The following TUSC3 variants were observed in gnomAD, a reference collection of about 807,000 sequenced individuals.
TUSC3 encodes the protein dolichyl-diphosphooligosaccharide--protein glycosyltransferase subunit TUSC3.
Under a neutral mutation model 44.8 loss-of-function variants are expected in TUSC3, and 45 were observed. The ratio of observed to expected loss-of-function variants is 1.00; its 90% CI spans 0.79 to 1.29. TUSC3 has a LOEUF of 1.29. Among genes scored for constraint, TUSC3 ranks in the 50% most tolerant of loss-of-function variants. The pLI is 0.00. For missense variants in TUSC3, 519 were observed against 437.9 expected, an observed-to-expected ratio of 1.19 and a Z score of -1.65; for synonymous variants, 212 against 152.9, an observed-to-expected ratio of 1.39 and a Z score of -2.85.
chr8:15,765,945 T>G lies in TUSC3; in HGVS notation c.*1789T>G, dbSNP rs190163274. On this transcript the variant is annotated 3_prime_UTR_variant, in exon 11 of 11. Transcript: ENST00000503731. ...TGTATCCTTAAATCTCAGAATTATC[T>G]TGCAGTTAATATGCAGCTGATTAAA... is the stretch of plus-strand genomic sequence containing the variant. 4 of 152,096 alleles carry G rather than the reference T, an allele frequency of 2.6e-5. No homozygotes were observed. Among genetic ancestry groups the G allele is most frequent in the Admixed American group, 2.6e-4 (4 of 15,244 alleles). 9.4% of individuals were successfully genotyped at this position (152,096 alleles called of 1,614,324 possible). A position where few individuals can be genotyped will look rare whatever the true frequency, so the allele number is the denominator to read the frequency against.
intron 9 of TUSC3, 99 bp downstream of exon 9, chr8:15,748,564 G>C (rs746380584): frequency 8.4e-7 from 1 of 1,194,098 alleles, no homozygotes; most frequent in Non-Finnish European, 1.2e-6. Context: ...AAGTTGCTGT[G>C]TGGTTTTTTT....
chr8:15,433,168 A>T lies in TUSC3; in HGVS notation n.91+15863A>T, dbSNP rs191739751. 3.1e-3 allele frequency among the ~76,000 whole-genome samples: 473 copies of T among 152,178 alleles called. 2 individuals carry two copies. The highest frequency in any genetic ancestry group is 0.011 in the African/African-American group (453 of 41,522). On this transcript the variant is annotated intron_variant and non_coding_transcript_variant, in intron 1 of 5. Coordinates refer to the TUSC3 transcript ENST00000503191. ...TTTTTATTATAATTTTTTAAAGATG[A>T]TATTTTGGTACCCAAGTAACTTCTT...
chr8:15,472,236 A>G (rs1297565367), intron 1 of TUSC3, among the ~76,000 whole-genome samples: 3 of 152,210 alleles, frequency 2.0e-5, no homozygotes, highest in Non-Finnish European at 4.4e-5. Context: ...TTCCCTTTCT[A>G]TGGTGAGCTT....
intron 1 of TUSC3, among the ~76,000 whole-genome samples, chr8:15,454,579 G>T (rs985245531): frequency 6.6e-6 from 1 of 152,146 alleles, no homozygotes. Flanking sequence ...CTTCCATCAG[G>T]AACAGAAGTT....
At chr8:15,498,406 G>T (rs1276601113) in intron 2 of TUSC3, among the ~76,000 whole-genome samples, 1 of 152,092 alleles carries the variant, frequency 6.6e-6, no homozygotes, top group East Asian at 1.9e-4. Flanking sequence ...AAGAATAGAT[G>T]TATTAATAAA....
chr8:15,671,905 T>G (rs548590897), intron 5 of TUSC3, among the ~76,000 whole-genome samples: 1 of 150,738 alleles, frequency 6.6e-6, no homozygotes, highest in African/African-American at 2.4e-5. Flanking sequence ...GGCAAGCCTC[T>G]TTATCTTATT....
intron 7 of TUSC3, among the ~76,000 whole-genome samples, chr8:15,741,882 G>A (rs73665493): frequency 0.022 from 3,379 of 152,194 alleles, 129 homozygotes; most frequent in African/African-American, 0.078. Flanking sequence ...ACATCTATCT[G>A]CTCTAGAAAA....
intron 1 of TUSC3, among the ~76,000 whole-genome samples, chr8:15,585,898 G>A (rs1803580961): frequency 6.6e-6 from 1 of 152,146 alleles, no homozygotes; most frequent in Non-Finnish European, 1.5e-5. Context: ...GCCATAATGT[G>A]TAAGTAGAGA....
intron 6 of TUSC3, among the ~76,000 whole-genome samples, chr8:15,704,255 G>GTTT (rs373598712): frequency 0.053 from 7,280 of 136,950 alleles, 280 homozygotes; most frequent in East Asian, 0.15. Context: ...ATTCTTAATG[G>GTTT]TTTTTTTTTT....
chr8:15,548,861 AT>A lies in TUSC3; in HGVS notation c.138+8295del, dbSNP rs779128443. ...ATTACATATTAAATATCAGTAGGAG[AT>A]TGTTGAGGTACATGTAGCCCTCCCT... is the stretch of plus-strand genomic sequence containing the variant. On this transcript the variant is annotated intron_variant, in intron 1 of 10. Coordinates refer to ENST00000503731, the MANE Select transcript of TUSC3 (RefSeq NM_006765.4). Among the ~76,000 whole-genome samples, 126 of 151,842 alleles carry A rather than the reference AT, an allele frequency of 8.3e-4. 4 individuals are homozygous for A. The highest frequency in any genetic ancestry group is 6.8e-3 in the Middle Eastern group (2 of 294).
rs1228408857 is a variant in TUSC3 at position 15,746,516 on chromosome 8, G to A, written c.938-1859G>A. On this transcript the variant is annotated intron_variant, in intron 8 of 10. Coordinates refer to ENST00000503731, the MANE Select transcript of TUSC3 (RefSeq NM_006765.4). ...AGGTGTAGTATCTCATGTGGCTGCC[G>A]TGGTTCCTTTAATAATTATTAACCC... Among the ~76,000 whole-genome samples, 5 of 149,364 alleles carry A rather than the reference G, an allele frequency of 3.3e-5. No homozygotes were observed. The East Asian group carries it at 6.1e-4, about 18-fold the overall frequency.
At chr8:15,713,147 A>G (rs1397717561) in intron 6 of TUSC3, among the ~76,000 whole-genome samples, 2 of 152,200 alleles carry the variant, frequency 1.3e-5, no homozygotes, top group African/African-American at 2.4e-5. Context: ...ATAATACATA[A>G]CTATATAAAA....
At chr8:15,440,515 A>T (rs1022911368) in intron 1 of TUSC3, among the ~76,000 whole-genome samples, 2 of 152,236 alleles carry the variant, frequency 1.3e-5, no homozygotes, top group Non-Finnish European at 2.9e-5. Flanking sequence ...TGCCGTGTGA[A>T]GGATGAGTTG....
intron 1 of TUSC3, among the ~76,000 whole-genome samples, chr8:15,472,279 T>G (rs1038076061): frequency 1.3e-5 from 2 of 152,172 alleles, no homozygotes; most frequent in East Asian, 1.9e-4. Context: ...TTTCTGTAAT[T>G]TAAAAGCCTG....
At chr8:15,458,122 G>T (rs1800286075) in intron 1 of TUSC3, among the ~76,000 whole-genome samples, 1 of 152,100 alleles carries the variant, frequency 6.6e-6, no homozygotes, top group Non-Finnish European at 1.5e-5. Flanking sequence ...AATTTAGGAT[G>T]ATGGTTATGT....
intron 6 of TUSC3, among the ~76,000 whole-genome samples, chr8:15,706,517 C>T (rs894764257): frequency 5.3e-5 from 8 of 151,872 alleles, no homozygotes; most frequent in Non-Finnish European, 1.2e-4. Context: ...ATGTCAGAGT[C>T]ATAATATGAA....
At chr8:15,434,949 G>T (rs1014898784) in intron 1 of TUSC3, among the ~76,000 whole-genome samples, 2 of 150,454 alleles carry the variant, frequency 1.3e-5, no homozygotes, top group Non-Finnish European at 2.9e-5. Flanking sequence ...TGAACATTTG[G>T]GTTGGTTCCA....
At chr8:15,442,520 T>A (rs1800034951) in intron 1 of TUSC3, among the ~76,000 whole-genome samples, 1 of 152,150 alleles carries the variant, frequency 6.6e-6, no homozygotes, top group Non-Finnish European at 1.5e-5. Context: ...AGTGGATTGT[T>A]TACTTTCTTA....
the TUSC3 span, among the ~76,000 whole-genome samples, chr8:15,834,688 T>A: frequency 6.6e-6 from 1 of 152,176 alleles, no homozygotes; most frequent in East Asian, 1.9e-4. Flanking sequence ...CCTAGTCTTA[T>A]TGAGTTAATT....
Sources: allele counts gnomAD v4.1 joint callset (sites outside exome capture counted in the v4.1 genomes callset), GRCh38; gene constraint gnomAD v4.1.1; transcripts MANE v1.5; gene names NCBI Gene and HGNC (gene_info 2026-07-23, HGNC 2026-07-21).